SHBG: variants seen among roughly 807,000 people sequenced by gnomAD.
SHBG encodes the protein sex hormone binding globulin, also known as sex hormone-binding globulin.
SHBG carries 37 observed loss-of-function variants against 41.9 expected under a neutral mutation model. The observed-to-expected ratio is 0.88, with a 90% CI of 0.68 to 1.16. The LOEUF is 1.16. Among genes scored for constraint, SHBG ranks in the 50% most tolerant of loss-of-function variants. The pLI is 0.00. For synonymous variants in SHBG, 217 were observed against 205.8 expected, an observed-to-expected ratio of 1.05 and a Z score of -0.47; for missense variants, 466 against 499.9, an observed-to-expected ratio of 0.93 and a Z score of 0.65.
chr17:7,630,041 T>C (rs912262108), upstream of SHBG: 3 of 779,696 alleles, frequency 3.8e-6, no homozygotes, highest in African/African-American at 1.7e-5. The surrounding 1 kb of genome is among the most constrained non-coding windows in gnomAD (Gnocchi z 4.6). Flanking sequence ...GGGTCAAGGG[T>C]CAGTGCCCCT....
In SHBG at chr17:7,631,591, G is replaced by A. The variant is rs748472215; in HGVS notation, c.558G>A (p.Leu186=). Residue 186 remains leucine (L), a splice_region_variant and synonymous_variant, in exon 5 of 8, where the codon CTG becomes CTA. Transcript: ENST00000380450. The stretch of plus-strand genomic sequence containing the variant: ...ATCTTATCTCTGTCACACTCCAGCT[G>A]GTTCCTGCCCTGGATGGCTGCCTGC... ...LFPASNLRLP[L]VPALDGCLRR... is the part of the protein sequence containing the mutation. 13 of 1,613,954 alleles carry A rather than the reference G, an allele frequency of 8.1e-6. No homozygotes were observed. The highest frequency in any genetic ancestry group is 1.1e-5 in the South Asian group (1 of 91,094).
chr17:7,626,501 G>C (rs765733862), upstream of SHBG: 35 of 1,614,146 alleles, frequency 2.2e-5, no homozygotes, highest in Non-Finnish European at 3.0e-5. Flanking sequence ...AGAAGTGCCA[G>C]CCCTCAGCTT....
chr17:7,627,410 A>G (rs765376478), upstream of SHBG: 224 of 1,614,052 alleles, frequency 1.4e-4, 2 homozygotes, highest in South Asian at 2.4e-3. This position sits in a 1 kb window ranked among gnomAD's most constrained non-coding sequence, Gnocchi z 4.8. Flanking sequence ...GAATTCGGCT[A>G]GCTCCTAAGG....
At chr17:7,626,071 G>A (rs558222403), upstream of SHBG, among the ~76,000 whole-genome samples, 4 of 151,394 alleles carry the variant, frequency 2.6e-5, no homozygotes, top group Admixed American at 6.6e-5. Context: ...GTGCGCACCC[G>A]TAGTCCCAGC....
chr17:7,615,762 A>G (rs2071972011), intron 1 of SHBG, among the ~76,000 whole-genome samples: 1 of 146,384 alleles, frequency 6.8e-6, no homozygotes, highest in African/African-American at 2.5e-5. Flanking sequence ...TGAACCTGGG[A>G]GGCAGAAGTT....
upstream of SHBG, chr17:7,627,773 C>G (rs1261803975): frequency 2.1e-6 from 2 of 960,762 alleles, no homozygotes; most frequent in South Asian, 1.4e-5. The surrounding 1 kb of genome is among the most constrained non-coding windows in gnomAD (Gnocchi z 4.8). Flanking sequence ...GCGGGGTAGC[C>G]GCGGCCTGGT....
intron 1 of SHBG, chr17:7,614,532 T>C (rs2071923461): frequency 2.0e-6 from 3 of 1,480,448 alleles, no homozygotes; most frequent in Non-Finnish European, 2.7e-6. Flanking sequence ...AGGCCGCCCA[T>C]GGCGCCGCCA....
intron 1 of SHBG, chr17:7,614,162 G>T (rs1244667043): frequency 1.6e-6 from 1 of 635,658 alleles, no homozygotes; most frequent in Non-Finnish European, 2.9e-6. Flanking sequence ...CTGGGTAAAG[G>T]GGTCTCTCCT....
chr17:7,622,136 C>T (rs1204123482), intron 1 of SHBG, among the ~76,000 whole-genome samples: 5 of 151,606 alleles, frequency 3.3e-5, no homozygotes, highest in Non-Finnish European at 5.9e-5. Context: ...TGAGCCACTA[C>T]GCCCAGCCCA....
At chr17:7,627,277 T>C (rs1295130357), upstream of SHBG, 1 of 1,612,454 alleles carries the variant, frequency 6.2e-7, no homozygotes, top group Admixed American at 1.7e-5. The surrounding 1 kb of genome is among the most constrained non-coding windows in gnomAD (Gnocchi z 4.8). Context: ...GACGTGGGTG[T>C]ATGCCCAGCC....
Position 7,632,856 on chromosome 17 carries a change from A to C in SHBG, c.957A>C (p.Gln319His). Reference protein sequence around the residue: ...KLSMSRVVLSQGSKMKALALP... With the variant: ...KLSMSRVVLSHGSKMKALALP... ...GTATGTCCAGGGTGGTCTTGAGCCAAGGGTCGAAGATGAAGGCCCTTGCCC... is the reference window on the plus strand; with the variant it reads ...GTATGTCCAGGGTGGTCTTGAGCCACGGGTCGAAGATGAAGGCCCTTGCCC... Residue 319 changes from glutamine (Q) to histidine (H), a missense_variant, in exon 7 of 8, where the codon CAA becomes CAC. Transcript: ENST00000380450. 1 of 1,614,178 alleles carries C rather than the reference A, an allele frequency of 6.2e-7. No individual in the cohort carries two copies. Among genetic ancestry groups the C allele is most frequent in the East Asian group, 2.2e-5 (1 of 44,874 alleles).
Position 7,631,298 on chromosome 17 carries a change from C to A in SHBG, c.492C>A (p.Arg164=). 6.2e-7 allele frequency: 1 copy of A among 1,613,916 alleles called. No homozygotes were observed. The highest frequency in any genetic ancestry group is 8.5e-7 in the Non-Finnish European group (1 of 1,179,934). ...RQVSGPLTSK[R]HPIMRIALGG... Reference sequence around the variant, plus strand: ...TCTCTGGGCCCCTGACCAGCAAACGCCATCCCATCATGAGGATTGCGCTTG... The same window carrying A: ...TCTCTGGGCCCCTGACCAGCAAACGACATCCCATCATGAGGATTGCGCTTG... The change falls in exon 4 of 8, where the codon CGC becomes CGA. Residue 164 remains arginine, a synonymous_variant. Coordinates refer to ENST00000380450, the MANE Select transcript of SHBG (RefSeq NM_001040.5).
At chr17:7,627,585 G>A (rs751888601), upstream of SHBG, 9 of 1,611,610 alleles carry the variant, frequency 5.6e-6, no homozygotes, top group Admixed American at 1.7e-5. The surrounding 1 kb of genome is among the most constrained non-coding windows in gnomAD (Gnocchi z 4.8). Context: ...TCAGCCTCAG[G>A]ATATCTCCAC....
upstream of SHBG, among the ~76,000 whole-genome samples, chr17:7,623,536 G>A (rs751885387): frequency 1.3e-5 from 2 of 152,194 alleles, no homozygotes; most frequent in Non-Finnish European, 2.9e-5. Flanking sequence ...TCAGTTCACT[G>A]TAGCCTCAAC....
intron 1 of SHBG, among the ~76,000 whole-genome samples, chr17:7,622,683 T>G (rs1043679740): frequency 6.6e-5 from 10 of 152,002 alleles, no homozygotes; most frequent in African/African-American, 2.2e-4. Flanking sequence ...TGCAAAGATA[T>G]TCTATGAATA....
At chr17:7,624,111 C>T (rs1317829129), upstream of SHBG, among the ~76,000 whole-genome samples, 2 of 152,054 alleles carry the variant, frequency 1.3e-5, no homozygotes, top group African/African-American at 2.4e-5. Flanking sequence ...ACCACCAAGA[C>T]CAGCTAATTT....
chr17:7,621,816 C>G lies in SHBG; in HGVS notation c.-62+7705C>G, dbSNP rs796733190. On this transcript the variant is annotated intron_variant, in intron 1 of 5. Transcript: ENST00000570547. ...GAGAACTTTGCAAGTAAGGATAGAGCTATGGACAGATTTGAGAGACATTTT... is the reference window on the plus strand; with the variant it reads ...GAGAACTTTGCAAGTAAGGATAGAGGTATGGACAGATTTGAGAGACATTTT... Among the ~76,000 whole-genome samples, 21 of 151,444 alleles carry G rather than the reference C, an allele frequency of 1.4e-4. 1 individual carries two copies. The highest frequency in any genetic ancestry group is 4.8e-4 in the African/African-American group (20 of 41,280).
chr17:7,628,289 T>C (rs1396822851), upstream of SHBG: 1 of 211,050 alleles, frequency 4.7e-6, no homozygotes, highest in Non-Finnish European at 9.5e-6. Context: ...TTGGAGATGG[T>C]GTATTGCTTT....
At chr17:7,622,182 C>A (rs1034198998) in intron 1 of SHBG, among the ~76,000 whole-genome samples, 5 of 151,206 alleles carry the variant, frequency 3.3e-5, no homozygotes, top group African/African-American at 1.2e-4. Flanking sequence ...AGCCATTAGC[C>A]TAAATACCCT....
Sources: allele counts gnomAD v4.1 joint callset (sites outside exome capture counted in the v4.1 genomes callset), GRCh38; gene constraint gnomAD v4.1.1; non-coding constraint Gnocchi (gnomAD v3.1); transcripts MANE v1.5; gene names NCBI Gene and HGNC (gene_info 2026-07-23, HGNC 2026-07-21).